AP4S1: variants seen among roughly 807,000 people sequenced by gnomAD.
AP4S1 encodes adaptor related protein complex 4 subunit sigma 1.
A neutral mutation model predicts 19.8 loss-of-function variants in AP4S1; 23 were observed. The ratio of observed to expected loss-of-function variants is 1.16; its 90% CI spans 0.84 to 1.65. The LOEUF is 1.65. AP4S1 is among the 40% of genes most tolerant of loss of function. The probability of loss-of-function intolerance (pLI) is 0.00; values close to 1 mark genes in which losing one functional copy is unlikely to be tolerated. For missense variants in AP4S1, 166 were observed against 172.8 expected, an observed-to-expected ratio of 0.96 and a Z score of 0.22; for synonymous variants, 46 against 54.1, an observed-to-expected ratio of 0.85 and a Z score of 0.66.
At chr14:31,085,941 C>A in intron 5 of AP4S1, 3 of 609,452 alleles carry the variant, frequency 4.9e-6, no homozygotes, top group Non-Finnish European at 6.2e-6. Flanking sequence ...ATAGGAAGGG[C>A]ATCAATGCTG....
At chr14:31,074,393 C>T (rs2139076482) in intron 4 of AP4S1, among the ~76,000 whole-genome samples, 1 of 150,464 alleles carries the variant, frequency 6.6e-6, no homozygotes, top group South Asian at 2.1e-4. Context: ...TGGCTGACGC[C>T]TGTAATCTCA....
intron 5 of AP4S1, chr14:31,083,345 A>T (rs1186193752): frequency 2.5e-6 from 1 of 406,342 alleles, no homozygotes; most frequent in African/African-American, 2.1e-5. Flanking sequence ...CAAATTAGGA[A>T]TTTTACATCA....
chr14:31,058,523 G>A (rs1443817111), intron 1 of AP4S1, among the ~76,000 whole-genome samples: 3 of 80,744 alleles, frequency 3.7e-5, no homozygotes, highest in African/African-American at 1.6e-4. Context: ...ATCTCTGTGT[G>A]TGTATGTGTG....
intron 3 of AP4S1, among the ~76,000 whole-genome samples, chr14:31,071,137 T>C (rs1886976962): frequency 6.6e-6 from 1 of 152,160 alleles, no homozygotes. Flanking sequence ...ATTTATTTAG[T>C]TCACCCCTTC....
intron 1 of AP4S1, among the ~76,000 whole-genome samples, chr14:31,061,364 G>C (rs1886429279): frequency 6.6e-6 from 1 of 152,140 alleles, no homozygotes; most frequent in South Asian, 2.1e-4. Context: ...TCATCAAACA[G>C]ATAATTAATG....
chr14:31,028,639 G>A (rs1884195411), intron 1 of AP4S1, among the ~76,000 whole-genome samples: 1 of 151,834 alleles, frequency 6.6e-6, no homozygotes, highest in African/African-American at 2.4e-5. Flanking sequence ...GTGGCCAGGT[G>A]CGGTGGCTCA....
intron 1 of AP4S1, among the ~76,000 whole-genome samples, chr14:31,059,612 C>T (rs574875174): frequency 1.3e-5 from 2 of 152,156 alleles, no homozygotes; most frequent in East Asian, 1.9e-4. Flanking sequence ...GGTAACCTGC[C>T]GTAATTTACT....
intron 1 of AP4S1, among the ~76,000 whole-genome samples, chr14:31,051,424 A>C (rs530150600): frequency 1.3e-5 from 2 of 152,128 alleles, no homozygotes; most frequent in Admixed American, 1.3e-4. Flanking sequence ...TAATCCCAGC[A>C]CTTTGGGAGA....
At chr14:31,033,380 A>G (rs1322779415) in intron 1 of AP4S1, among the ~76,000 whole-genome samples, 3 of 151,692 alleles carry the variant, frequency 2.0e-5, no homozygotes, top group Non-Finnish European at 4.4e-5. Flanking sequence ...TGCCCAGCTA[A>G]TTTTTGTATA....
At chr14:31,026,166 C>T in intron 1 of AP4S1, 2 of 1,485,284 alleles carry the variant, frequency 1.3e-6, no homozygotes, top group Non-Finnish European at 1.8e-6. Context: ...GCCACCACCG[C>T]CTCCGGCAAG....
chr14:31,029,103 CT>C (rs1400441887), intron 1 of AP4S1, among the ~76,000 whole-genome samples: 2 of 152,170 alleles, frequency 1.3e-5, no homozygotes, highest in African/African-American at 4.8e-5. Flanking sequence ...AACTTGAAGC[CT>C]AGCAGTCATT....
At chr14:31,032,229 A>G (rs1451487556) in intron 1 of AP4S1, among the ~76,000 whole-genome samples, 1 of 152,156 alleles carries the variant, frequency 6.6e-6, no homozygotes, top group Non-Finnish European at 1.5e-5. Flanking sequence ...TAAAAACACA[A>G]AAAATTAGCC....
chr14:31,035,193 CTTTT>C (rs11393950), intron 1 of AP4S1, among the ~76,000 whole-genome samples: 2 of 103,622 alleles, frequency 1.9e-5, no homozygotes, highest in Non-Finnish European at 3.7e-5. Context: ...ATGGTAATTC[CTTTT>C]TTTTTTTTTT....
intron 2 of AP4S1, among the ~76,000 whole-genome samples, chr14:31,069,328 T>C (rs1054865929): frequency 2.6e-5 from 4 of 152,188 alleles, no homozygotes; most frequent in Non-Finnish European, 5.9e-5. Flanking sequence ...TTAAATAATT[T>C]ATAAAATAAT....
chr14:31,085,330 G>A, intron 5 of AP4S1: 1 of 993,418 alleles, frequency 1.0e-6, no homozygotes, highest in Non-Finnish European at 1.2e-6. Context: ...AAGAAGGCTG[G>A]GTGGTAGCTG....
intron 1 of AP4S1, among the ~76,000 whole-genome samples, chr14:31,033,220 ATTTTTT>A (rs1031662836): frequency 8.1e-5 from 12 of 148,664 alleles, no homozygotes; most frequent in Non-Finnish European, 6.0e-5. Context: ...ATAGTGTTTA[ATTTTTT>A]TTTTTGAGAT....
chr14:31,078,724 T>G (rs1008144927), intron 4 of AP4S1, among the ~76,000 whole-genome samples: 36 of 152,174 alleles, frequency 2.4e-4, no homozygotes, highest in African/African-American at 8.7e-4. Context: ...GGAGAGTCAG[T>G]GACCACATAA....
intron 1 of AP4S1, among the ~76,000 whole-genome samples, chr14:31,043,921 T>C (rs149607949): frequency 1.4e-3 from 219 of 152,316 alleles, no homozygotes; most frequent in Non-Finnish European, 2.2e-3. Context: ...ACATGCTGAT[T>C]AGATGCTCTT....
chr14:31,073,240 C>G, intron 4 of AP4S1: 1 of 376,218 alleles, frequency 2.7e-6, no homozygotes, highest in Non-Finnish European at 5.0e-6. Context: ...CCTGTAATCC[C>G]AGCACTTTGG....
Sources: allele counts gnomAD v4.1 joint callset (sites outside exome capture counted in the v4.1 genomes callset), GRCh38; gene constraint gnomAD v4.1.1; transcripts MANE v1.5; gene names NCBI Gene and HGNC (gene_info 2026-07-23, HGNC 2026-07-21).